Variants in GRIA1 observed in about 807,000 individuals in gnomAD.
The protein encoded by GRIA1 is glutamate ionotropic receptor AMPA type subunit 1, also known as glutamate receptor 1.
Under a neutral mutation model 99.2 loss-of-function variants are expected in GRIA1, and 31 were observed. That is an observed-to-expected ratio of 0.31 (90% confidence interval 0.23 to 0.42). GRIA1 has a LOEUF of 0.42. Ranked by LOEUF, GRIA1 falls within the 10% of genes least tolerant of loss-of-function variation. GRIA1 has a pLI of 1.00. For missense variants in GRIA1, 782 were observed against 1,157.5 expected (o/e 0.68, Z 4.71); for synonymous variants, 438 against 432.4 (o/e 1.01, Z -0.16).
chr5:153,531,417 C>G (rs1480303406), intron 2 of GRIA1, among the ~76,000 whole-genome samples: 1 of 152,116 alleles, frequency 6.6e-6, no homozygotes, highest in Non-Finnish European at 1.5e-5. Flanking sequence ...AAGTCCAACC[C>G]CAAACCTCTC....
intron 11 of GRIA1, among the ~76,000 whole-genome samples, chr5:153,724,774 G>T (rs1424467023): frequency 6.6e-6 from 1 of 152,218 alleles, no homozygotes; most frequent in Non-Finnish European, 1.5e-5. Flanking sequence ...TGTCTGATTG[G>T]TGTACCTGAA....
At chr5:153,722,766 C>T (rs769726938) in intron 11 of GRIA1, among the ~76,000 whole-genome samples, 25 of 152,178 alleles carry the variant, frequency 1.6e-4, no homozygotes, top group Middle Eastern at 3.4e-3. Context: ...CCATGGGGTA[C>T]GGGGTGTAGA....
In GRIA1 at chr5:153,538,912, C is replaced by T. The variant is rs114978894; in HGVS notation, c.220+44847C>T. ...TAACCTATACTAAAATATCTTAATCCTAGCATGTGTAATTCCAATGAAGTC... is the reference window on the plus strand; with the variant it reads ...TAACCTATACTAAAATATCTTAATCTTAGCATGTGTAATTCCAATGAAGTC... On this transcript the variant is annotated intron_variant, in intron 2 of 15. Transcript: ENST00000285900. 2.2e-3 allele frequency among the ~76,000 whole-genome samples: 337 copies of T among 152,268 alleles called. 1 individual carries two copies. Among genetic ancestry groups the T allele is most frequent in the African/African-American group, 7.7e-3 (318 of 41,554 alleles).
intron 2 of GRIA1, among the ~76,000 whole-genome samples, chr5:153,494,875 G>A (rs1754261692): frequency 1.3e-5 from 2 of 152,180 alleles, no homozygotes; most frequent in South Asian, 4.1e-4. Context: ...TTATGGCAGG[G>A]AAATGTGAGC....
At chr5:153,492,242 G>A (rs1753985539) in intron 1 of GRIA1, 2 of 1,535,338 alleles carry the variant, frequency 1.3e-6, no homozygotes, top group Admixed American at 2.0e-5. Context: ...CAGCTAGCTG[G>A]CGGCTTGGAG....
intron 12 of GRIA1, among the ~76,000 whole-genome samples, chr5:153,769,525 T>G (rs1763737763): frequency 6.6e-6 from 1 of 151,944 alleles, no homozygotes; most frequent in Admixed American, 6.6e-5. Context: ...CAAGGTGAGT[T>G]TAGGGGGAAA....
intron 2 of GRIA1, among the ~76,000 whole-genome samples, chr5:153,617,802 T>G (rs1382867376): frequency 6.6e-6 from 1 of 152,160 alleles, no homozygotes; most frequent in African/African-American, 2.4e-5. Flanking sequence ...TCTACCTTCT[T>G]TCCCTTAAGT....
At chr5:153,586,350 C>A (rs1014449839) in intron 2 of GRIA1, among the ~76,000 whole-genome samples, 1 of 152,138 alleles carries the variant, frequency 6.6e-6, no homozygotes, top group Admixed American at 6.6e-5. Flanking sequence ...CACAATAACT[C>A]GGTTAGGTAG....
intron 6 of GRIA1, among the ~76,000 whole-genome samples, chr5:153,675,796 T>G (rs13186237): frequency 1.3e-5 from 2 of 151,930 alleles, no homozygotes; most frequent in Non-Finnish European, 2.9e-5. Flanking sequence ...AAGTAATGTG[T>G]AATGATTGCA....
At chr5:153,788,519 A>G (rs1217579865) in intron 13 of GRIA1, among the ~76,000 whole-genome samples, 1 of 152,154 alleles carries the variant, frequency 6.6e-6, no homozygotes, top group Admixed American at 6.6e-5. Context: ...TCATCTCCCC[A>G]TAAGAATGTG....
At chr5:153,491,601 C>T (rs1753923515) in intron 1 of GRIA1, among the ~76,000 whole-genome samples, 2 of 152,118 alleles carry the variant, frequency 1.3e-5, no homozygotes, top group African/African-American at 4.8e-5. Context: ...GTGGTCTCCA[C>T]TCCCCCGATC....
chr5:153,558,987 G>T (rs982103187), intron 2 of GRIA1, among the ~76,000 whole-genome samples: 1 of 152,094 alleles, frequency 6.6e-6, no homozygotes, highest in African/African-American at 2.4e-5. Context: ...AGGAAAACAG[G>T]CATTGGGTTA....
chr5:153,700,620 A>G (rs9686702), intron 10 of GRIA1, among the ~76,000 whole-genome samples: 107,318 of 151,964 alleles, frequency 0.71, 38,295 homozygotes, highest in East Asian at 0.96. Context: ...TTTGAGTAGA[A>G]AGACAACAAA....
At chr5:153,594,738 T>C (rs1395843873) in intron 2 of GRIA1, among the ~76,000 whole-genome samples, 3 of 151,990 alleles carry the variant, frequency 2.0e-5, no homozygotes, top group Non-Finnish European at 4.4e-5. Flanking sequence ...CTCTCCCTTA[T>C]TCTCAGCTAT....
chr5:153,737,137 T>C (rs1304822299), intron 11 of GRIA1, among the ~76,000 whole-genome samples: 3 of 152,026 alleles, frequency 2.0e-5, no homozygotes, highest in Non-Finnish European at 4.4e-5. Flanking sequence ...TGATATGAAG[T>C]AAATGCATAA....
chr5:153,748,208 T>C (rs1183461818), intron 11 of GRIA1, among the ~76,000 whole-genome samples: 2 of 152,106 alleles, frequency 1.3e-5, no homozygotes, highest in African/African-American at 2.4e-5. Context: ...AGAGAAAAGA[T>C]GGGTGATGGA....
intron 8 of GRIA1, among the ~76,000 whole-genome samples, chr5:153,689,780 G>T (rs1012487263): frequency 3.9e-5 from 6 of 152,136 alleles, no homozygotes; most frequent in African/African-American, 1.4e-4. Flanking sequence ...TACTCACATT[G>T]TTCCTCTCCT....
intron 2 of GRIA1, among the ~76,000 whole-genome samples, chr5:153,616,724 A>G (rs1410848213): frequency 6.6e-6 from 1 of 152,196 alleles, no homozygotes; most frequent in Non-Finnish European, 1.5e-5. Context: ...ACTAATATAC[A>G]GCACAATTCC....
At chr5:153,530,262 C>G (rs1757970971) in intron 2 of GRIA1, among the ~76,000 whole-genome samples, 1 of 152,250 alleles carries the variant, frequency 6.6e-6, no homozygotes, top group South Asian at 2.1e-4. Context: ...GAACCCAGCA[C>G]TGTCCTGCAT....
Sources: gnomAD v4.1 joint callset for allele counts (sites outside exome capture counted in the v4.1 genomes callset) on GRCh38, gnomAD v4.1.1 for gene constraint, MANE v1.5 for transcripts, NCBI Gene and HGNC (gene_info 2026-07-23, HGNC 2026-07-21) for gene names.